Variants in USP30 observed in about 807,000 individuals in gnomAD.
USP30 encodes ubiquitin specific peptidase 30.
Under a neutral mutation model 68.2 loss-of-function variants are expected in USP30, and 41 were observed. The observed-to-expected ratio is 0.60, with a 90% CI of 0.47 to 0.78. The LOEUF is 0.78. Ranked by LOEUF, USP30 falls within the 30% of genes least tolerant of loss-of-function variation. USP30 has a pLI of 0.00. For synonymous variants in USP30, 229 were observed against 253.7 expected (o/e 0.90, Z 0.93); for missense variants, 522 against 649.4 (o/e 0.80, Z 2.13).
At chr12:109,051,718 T>C (rs1778570674), upstream of USP30, among the ~76,000 whole-genome samples, 1 of 151,296 alleles carries the variant, frequency 6.6e-6, no homozygotes, top group Non-Finnish European at 1.5e-5. Context: ...TACAGGAGCC[T>C]GCCACCACGC....
At chr12:109,071,528 G>C in intron 4 of USP30, 84 bp from the exon 5 acceptor site, 1 of 1,113,258 alleles carries the variant, frequency 9.0e-7, no homozygotes, top group Non-Finnish European at 1.3e-6. Context: ...CACATTCACT[G>C]TAGGGTGTCT....
intron 3 of USP30, among the ~76,000 whole-genome samples, chr12:109,033,095 A>G (rs1266854033): frequency 6.6e-6 from 1 of 152,244 alleles, no homozygotes; most frequent in East Asian, 1.9e-4. Context: ...TTAATTTTTT[A>G]AAAAGAAGCC....
intron 3 of USP30, among the ~76,000 whole-genome samples, chr12:109,046,994 G>A (rs928529917): frequency 6.6e-6 from 1 of 151,816 alleles, no homozygotes; most frequent in Non-Finnish European, 1.5e-5. Context: ...CACTGCGCCC[G>A]GCCAGCTGGA....
chr12:109,049,372 A>G (rs1285844098), upstream of USP30, among the ~76,000 whole-genome samples: 3 of 152,218 alleles, frequency 2.0e-5, no homozygotes, highest in East Asian at 1.9e-4. Context: ...AGAGGGGGGA[A>G]CAGCCAGTCA....
rs1269229902 is a variant in USP30, at chr12:109,086,042, C to G, written c.*111C>G. The G allele has an allele frequency of 2.1e-6, 3 of 1,443,908 alleles. No individual in the cohort carries two copies. The highest frequency in any genetic ancestry group is 2.8e-6 in the Non-Finnish European group (3 of 1,090,348). 89.4% of individuals were successfully genotyped at this position (1,443,908 alleles called of 1,614,324 possible). On this transcript the variant is annotated 3_prime_UTR_variant, in exon 13 of 13. Transcript: ENST00000257548. Reference sequence around the variant, plus strand: ...GGCCCCACTAGAGCCTTCCAGCCTTCTGGTGTGTTCTAAGAGCAGGCTCCA... The same window carrying G: ...GGCCCCACTAGAGCCTTCCAGCCTTGTGGTGTGTTCTAAGAGCAGGCTCCA...
chr12:109,074,717 G>T (rs2041543351), intron 7 of USP30, among the ~76,000 whole-genome samples: 1 of 152,210 alleles, frequency 6.6e-6, no homozygotes, highest in South Asian at 2.1e-4. Flanking sequence ...GTGTGTGTGT[G>T]TGTGCACGTG....
chr12:109,053,543 G>T (rs1216473635), intron 1 of USP30: 1 of 153,682 alleles, frequency 6.5e-6, no homozygotes, highest in East Asian at 1.9e-4. Context: ...GACCCCAAAT[G>T]ACTGAGACCT....
At chr12:109,024,662 C>G (rs1282938542) in intron 1 of USP30, 4 of 152,230 alleles carry the variant, frequency 2.6e-5, no homozygotes. Context: ...CTCTGTCTCC[C>G]AGGCTGGAGT....
chr12:109,037,102 T>C (rs1339229881), intron 3 of USP30, among the ~76,000 whole-genome samples: 1 of 152,202 alleles, frequency 6.6e-6, no homozygotes, highest in Admixed American at 6.5e-5. Flanking sequence ...TCTGAGCCTA[T>C]GTTCATTTTC....
intron 7 of USP30, among the ~76,000 whole-genome samples, chr12:109,076,732 C>CTTTTT (rs71079520): frequency 2.4e-5 from 3 of 124,736 alleles, no homozygotes; most frequent in East Asian, 2.2e-4. Flanking sequence ...TTGATTTTTT[C>CTTTTT]TTTTTTTTTT....
intron 3 of USP30, among the ~76,000 whole-genome samples, chr12:109,036,940 T>G (rs1173260493): frequency 4.6e-5 from 7 of 151,430 alleles, no homozygotes; most frequent in Non-Finnish European, 1.5e-5. Context: ...TCATTGAGCT[T>G]CTTTGATGTA....
chr12:109,045,270 C>T (rs2040595148), intron 3 of USP30, among the ~76,000 whole-genome samples: 1 of 152,162 alleles, frequency 6.6e-6, no homozygotes, highest in Admixed American at 6.5e-5. Flanking sequence ...TGAGCCACTG[C>T]GCCCGCCCAA....
chr12:109,081,903 T>G, intron 8 of USP30, 30 bp from the exon 9 acceptor site: 1 of 1,600,764 alleles, frequency 6.2e-7, no homozygotes, highest in South Asian at 1.1e-5. Context: ...TCCTTTGAAT[T>G]GTAGTAATTT....
intron 1 of USP30, among the ~76,000 whole-genome samples, chr12:109,055,401 T>TATATACATATATATATATATATATA (rs61062424): frequency 3.4e-5 from 1 of 29,634 alleles, no homozygotes; most frequent in African/African-American, 1.2e-4. Flanking sequence ...TATATATATA[T>TATATACATATATATATATATATATA]TTTTTTTTTT....
intron 1 of USP30, chr12:109,053,094 G>A: frequency 4.3e-6 from 1 of 230,090 alleles, no homozygotes; most frequent in Non-Finnish European, 8.4e-6. Flanking sequence ...TCCTAGGCCT[G>A]CCAAGACCCC....
intron 3 of USP30, among the ~76,000 whole-genome samples, chr12:109,036,084 C>G (rs2040517008): frequency 6.6e-6 from 1 of 152,106 alleles, no homozygotes; most frequent in African/African-American, 2.4e-5. Flanking sequence ...TGCTTGAGAC[C>G]AAGAGGTTGA....
At chr12:109,084,384 T>C (rs766260374) in intron 11 of USP30, among the ~76,000 whole-genome samples, 2 of 152,226 alleles carry the variant, frequency 1.3e-5, no homozygotes, top group Non-Finnish European at 2.9e-5. Context: ...CCTTAGAAGC[T>C]GACAGAATTA....
intron 7 of USP30, among the ~76,000 whole-genome samples, chr12:109,074,572 T>C (rs184253168): frequency 4.5e-4 from 69 of 152,338 alleles, no homozygotes; most frequent in African/African-American, 1.6e-3. Flanking sequence ...CTGTCTAACA[T>C]TGAGGTTCTA....
chr12:109,031,097 T>TA (rs924244824), intron 3 of USP30, among the ~76,000 whole-genome samples: 17 of 151,246 alleles, frequency 1.1e-4, no homozygotes, highest in South Asian at 2.1e-4. Flanking sequence ...TTTAAAAAAC[T>TA]AAAAAAAAAC....
Sources: gnomAD v4.1 joint callset for allele counts (sites outside exome capture counted in the v4.1 genomes callset) on GRCh38, gnomAD v4.1.1 for gene constraint, MANE v1.5 for transcripts, NCBI Gene and HGNC (gene_info 2026-07-23, HGNC 2026-07-21) for gene names.